Variants in ZNF532 observed in about 807,000 individuals in gnomAD.
ZNF532 encodes zinc finger protein 532.
Under a neutral mutation model 89.3 loss-of-function variants are expected in ZNF532, and 22 were observed. The ratio of observed to expected loss-of-function variants is 0.25; its 90% CI spans 0.18 to 0.35. ZNF532 has a LOEUF of 0.35. Among genes scored for constraint, ZNF532 ranks in the 10% least tolerant of loss-of-function variants. The probability of loss-of-function intolerance (pLI) is 1.00; values close to 1 mark genes in which losing one functional copy is unlikely to be tolerated. For missense variants in ZNF532, 1,132 were observed against 1,643.4 expected, an observed-to-expected ratio of 0.69 and a Z score of 5.38; for synonymous variants, 606 against 649.6, an observed-to-expected ratio of 0.93 and a Z score of 1.02.
chr18:58,967,457 CTT>C (rs913093952), intron 7 of ZNF532, among the ~76,000 whole-genome samples: 2 of 152,170 alleles, frequency 1.3e-5, no homozygotes, highest in Non-Finnish European at 2.9e-5. Flanking sequence ...CTTTCTGTTC[CTT>C]TTGCCTGGAC....
chr18:58,863,641 G>GCAGCAGCCA (rs1243330084), upstream of ZNF532: 1 of 155,878 alleles, frequency 6.4e-6, no homozygotes, highest in Non-Finnish European at 1.4e-5. Flanking sequence ...GACGACAGCA[G>GCAGCAGCCA]CAGCAGCCAC....
chr18:58,955,367 T>G (rs2064663853), intron 7 of ZNF532, among the ~76,000 whole-genome samples: 1 of 152,222 alleles, frequency 6.6e-6, no homozygotes, highest in Admixed American at 6.5e-5. Flanking sequence ...ATCCTAATAC[T>G]GAGATTGATT....
At chr18:58,936,233 A>C (rs967814643) in intron 4 of ZNF532, among the ~76,000 whole-genome samples, 4 of 152,252 alleles carry the variant, frequency 2.6e-5, no homozygotes, top group Non-Finnish European at 5.9e-5. Context: ...TGAGCAAAAC[A>C]GGATAATCAA....
At chr18:58,892,973 T>C (rs2059001618) in intron 2 of ZNF532, among the ~76,000 whole-genome samples, 2 of 150,302 alleles carry the variant, frequency 1.3e-5, no homozygotes, top group South Asian at 2.1e-4. Context: ...AATTTCTGAT[T>C]TGTACTTTCT....
intron 7 of ZNF532, among the ~76,000 whole-genome samples, chr18:58,959,938 C>T (rs1002373679): frequency 1.3e-5 from 2 of 151,976 alleles, no homozygotes; most frequent in African/African-American, 4.8e-5. Context: ...GTAGATTTTT[C>T]TTCTTTTTTT....
In ZNF532 at chr18:58,918,821, A is replaced by G. The variant is rs548565375; in HGVS notation, c.534A>G (p.Ala178=). The change falls in exon 3 of 10, where the codon GCA becomes GCG. Residue 178 remains alanine (A), a synonymous_variant. Coordinates refer to ENST00000591808, the MANE Select transcript of ZNF532 (RefSeq NM_001375912.1). The part of the protein sequence containing the change: ...APQQDYDKLK[A]LGGENSSKTG... The stretch of plus-strand genomic sequence containing the variant: ...AGCAGGACTACGATAAGCTGAAGGC[A>G]CTCGGAGGGGAAAACTCCAGCAAAA... 16 of 1,614,206 alleles carry G rather than the reference A, an allele frequency of 9.9e-6. No individual in the cohort carries two copies. In the South Asian group the frequency reaches 1.6e-4, roughly 17 times the overall value.
intron 4 of ZNF532, among the ~76,000 whole-genome samples, chr18:58,938,163 G>GC (rs1358062468): frequency 3.9e-5 from 6 of 152,270 alleles, no homozygotes; most frequent in African/African-American, 1.4e-4. Context: ...TTTGGACACT[G>GC]CCCCCCGGAA....
At chr18:58,905,023 G>A (rs901647909) in intron 2 of ZNF532, among the ~76,000 whole-genome samples, 3 of 151,900 alleles carry the variant, frequency 2.0e-5, no homozygotes, top group Admixed American at 1.3e-4. Context: ...TGTATTTTTA[G>A]TATAGACAGG....
intron 3 of ZNF532, among the ~76,000 whole-genome samples, chr18:58,921,069 T>C (rs932212601): frequency 2.0e-5 from 3 of 151,748 alleles, no homozygotes; most frequent in Non-Finnish European, 2.9e-5. Context: ...TAGCCTAGCA[T>C]TGGGGCGAGA....
chr18:58,886,894 G>A (rs190483470), intron 2 of ZNF532, among the ~76,000 whole-genome samples: 2 of 152,298 alleles, frequency 1.3e-5, no homozygotes, highest in East Asian at 1.9e-4. Context: ...TATTGGTTGT[G>A]GGTATGCTAT....
At chr18:58,979,331 A>G in intron 8 of ZNF532, 164 bp downstream of exon 8, 1 of 441,410 alleles carries the variant, frequency 2.3e-6, no homozygotes, top group South Asian at 7.3e-5. Context: ...GGGTTGTCAC[A>G]CTTAAATATG....
intron 5 of ZNF532, among the ~76,000 whole-genome samples, chr18:58,942,345 C>CCCTTCCTT (rs1193999486): frequency 1.3e-5 from 1 of 74,652 alleles, no homozygotes; most frequent in Non-Finnish European, 2.5e-5. Context: ...CTCCCTCCCT[C>CCCTTCCTT]CCTCCCTTCC....
intron 2 of ZNF532, among the ~76,000 whole-genome samples, chr18:58,908,883 T>C (rs2145838467): frequency 6.6e-6 from 1 of 152,362 alleles, no homozygotes; most frequent in Non-Finnish European, 1.5e-5. Context: ...ATTTCAGTCT[T>C]GTCTTTGTGA....
intron 7 of ZNF532, among the ~76,000 whole-genome samples, chr18:58,962,043 T>C (rs904039993): frequency 1.3e-5 from 2 of 152,114 alleles, no homozygotes; most frequent in Non-Finnish European, 2.9e-5. Flanking sequence ...CTGGCCAATA[T>C]GGTGAAACCC....
intron 7 of ZNF532, among the ~76,000 whole-genome samples, chr18:58,969,431 G>A (rs1362666884): frequency 6.6e-6 from 1 of 152,144 alleles, no homozygotes; most frequent in African/African-American, 2.4e-5. Flanking sequence ...ACACCGACAC[G>A]GAGCACAGAG....
intron 2 of ZNF532, among the ~76,000 whole-genome samples, chr18:58,899,550 C>A (rs1040437604): frequency 6.6e-6 from 1 of 152,110 alleles, no homozygotes; most frequent in South Asian, 2.1e-4. Flanking sequence ...CTCACTGCAA[C>A]CTCTGCCTCC....
At chr18:58,936,255 A>G (rs992050308) in intron 4 of ZNF532, among the ~76,000 whole-genome samples, 5 of 152,242 alleles carry the variant, frequency 3.3e-5, no homozygotes, top group Non-Finnish European at 7.3e-5. Context: ...GGTGCCCCAG[A>G]TCTGCAAAGT....
intron 3 of ZNF532, among the ~76,000 whole-genome samples, chr18:58,924,080 C>T (rs1200033932): frequency 6.6e-6 from 1 of 152,230 alleles, no homozygotes; most frequent in Non-Finnish European, 1.5e-5. Flanking sequence ...TGGTCTTGAA[C>T]TCCTAACCTC....
chr18:58,938,053 A>G (rs778853065), intron 4 of ZNF532, among the ~76,000 whole-genome samples: 13 of 152,266 alleles, frequency 8.5e-5, no homozygotes, highest in Non-Finnish European at 1.3e-4. Flanking sequence ...TAGAATGCAT[A>G]CAATCCAGAA....
Sources: gnomAD v4.1 joint callset for allele counts (sites outside exome capture counted in the v4.1 genomes callset) on GRCh38, gnomAD v4.1.1 for gene constraint, MANE v1.5 for transcripts, NCBI Gene and HGNC (gene_info 2026-07-23, HGNC 2026-07-21) for gene names.